The following MAP3K14 variants were observed in gnomAD, a reference collection of about 807,000 sequenced individuals.
MAP3K14 encodes the protein mitogen-activated protein kinase kinase kinase 14.
MAP3K14 carries 16 observed loss-of-function variants against 99.2 expected under a neutral mutation model. The observed-to-expected ratio is 0.16, with a 90% CI of 0.11 to 0.24. MAP3K14 has a LOEUF of 0.24. Among genes scored for constraint, MAP3K14 ranks in the 10% least tolerant of loss-of-function variants. MAP3K14 has a pLI of 1.00. For missense variants in MAP3K14, 784 were observed against 1,208.7 expected, an observed-to-expected ratio of 0.65 and a Z score of 5.21; for synonymous variants, 462 against 492.4, an observed-to-expected ratio of 0.94 and a Z score of 0.82.
Position 45,274,860 on chromosome 17 carries a change from G to A in MAP3K14, c.1291-267C>T, listed in dbSNP as rs1050061369. ...GCCACATAAAAACTACATCCGCACC[G>A]GGCGCAGTGGCTCATGCCTATAATC... On this transcript the variant is annotated intron_variant, in intron 6 of 15. Coordinates refer to ENST00000344686, the MANE Select transcript of MAP3K14 (RefSeq NM_003954.5). Among the ~76,000 whole-genome samples, 4 of 152,334 alleles carry A rather than the reference G, an allele frequency of 2.6e-5. 1 individual carries two copies. In the Middle Eastern group the frequency reaches 0.01, roughly 389 times the overall value.
At chr17:45,311,468 G>C (rs1212764646) in intron 1 of MAP3K14, among the ~76,000 whole-genome samples, 1 of 152,194 alleles carries the variant, frequency 6.6e-6, no homozygotes, top group East Asian at 1.9e-4. Context: ...CACTAGTCCA[G>C]AACAGTGTCT....
intron 1 of MAP3K14, among the ~76,000 whole-genome samples, chr17:45,300,990 G>C (rs1296192874): frequency 2.6e-5 from 4 of 151,218 alleles, no homozygotes; most frequent in African/African-American, 9.7e-5. Flanking sequence ...AATATAGTGA[G>C]ACCCCATCTT....
At position 45,286,700 on chromosome 17, in the gene MAP3K14, G is replaced by T. The variant is rs752922819; in HGVS notation, c.883C>A (p.Pro295Thr). Residue 295 changes from proline (P) to threonine (T), a missense_variant, in exon 5 of 16, where the codon CCC (proline) becomes ACC (threonine). Pro to Thr is a conservative substitution (Grantham distance 38). Around this residue, in one of 5 missense-constraint regions of MAP3K14, gnomAD observed 138 missense variants for 164.1 expected, o/e 0.84. Coordinates refer to ENST00000344686, the MANE Select transcript of MAP3K14 (RefSeq NM_003954.5). This position sits in a 1 kb window ranked among gnomAD's most constrained non-coding sequence, Gnocchi z 4.1. ...TTGCTCAGGTGTGGGTCAGGCAAGG[G>T]TTTCTGGCTGTCTACACAGGCCAGT... is the stretch of plus-strand genomic sequence containing the variant. ...GKLACVDSQK[P>T]LPDPHLSKLA... 3 of 1,609,836 alleles carry T rather than the reference G, an allele frequency of 1.9e-6. No homozygotes were observed. The African/African-American group carries it at 4.0e-5, about 22-fold the overall frequency.
intron 6 of MAP3K14, among the ~76,000 whole-genome samples, chr17:45,275,432 C>G (rs185241107): frequency 6.8e-6 from 1 of 147,926 alleles, no homozygotes; most frequent in Admixed American, 6.9e-5. Context: ...CGCAATAAGC[C>G]GAGGTCGCAC....
chr17:45,273,391 A>C, intron 9 of MAP3K14, 112 bp downstream of exon 9: 1 of 783,038 alleles, frequency 1.3e-6, no homozygotes, highest in South Asian at 1.7e-5. Flanking sequence ...TGCGGGGCTT[A>C]AACACACAGG....
intron 6 of MAP3K14, among the ~76,000 whole-genome samples, chr17:45,283,116 T>G (rs1456334777): frequency 6.6e-6 from 1 of 152,224 alleles, no homozygotes; most frequent in Non-Finnish European, 1.5e-5. Context: ...TTGTTTACCT[T>G]GTTGCCTGGG....
Position 45,286,455 on chromosome 17 carries a change from G to C in MAP3K14, c.1128C>G (p.Asp376Glu). 1 of 1,599,890 alleles carries C rather than the reference G, an allele frequency of 6.3e-7. No individual in the cohort carries two copies. The highest frequency in any genetic ancestry group is 8.5e-7 in the Non-Finnish European group (1 of 1,171,282). Residue 376 changes from aspartate to glutamate, a missense_variant, in exon 5 of 16, where the codon GAC (aspartate) becomes GAG (glutamate). By Grantham distance (45) the Asp-to-Glu change is conservative. Transcript: ENST00000344686. This position sits in a 1 kb window ranked among gnomAD's most constrained non-coding sequence, Gnocchi z 4.1. ...CCTCAGTGAGCAGGACACCCTCGTTGTCCTCAGTTTTGGGGCTGGGCTCCC... is the reference window on the plus strand; with the variant it reads ...CCTCAGTGAGCAGGACACCCTCGTTCTCCTCAGTTTTGGGGCTGGGCTCCC... ...RSREPSPKTE[D>E]NEGVLLTEKL...
At position 45,287,357 on chromosome 17, in the gene MAP3K14, C is replaced by T. The variant is rs1171650731; in HGVS notation, c.334G>A (p.Glu112Lys). 1.2e-6 allele frequency: 2 copies of T among 1,613,794 alleles called. No homozygotes were observed. The highest frequency in any genetic ancestry group is 1.7e-6 in the Non-Finnish European group (2 of 1,179,848). ...TTGTTGGGGATCTGATCAAGACTCT[C>T]GGACTGGCTGTCACAAAAGGGACAG... ...IAGSKQYSQS[E>K]SLDQIPNNVA... The change falls in exon 4 of 16, where the codon GAG becomes AAG. Residue 112 changes from glutamate (E) to lysine (K), a missense_variant. Coordinates refer to ENST00000344686, the MANE Select transcript of MAP3K14 (RefSeq NM_003954.5).
At chr17:45,265,121 C>T in intron 15 of MAP3K14, 42 bp downstream of exon 15, 1 of 1,505,424 alleles carries the variant, frequency 6.6e-7, no homozygotes, top group African/African-American at 1.4e-5. Context: ...GCTGCATTGG[C>T]TTCTGGGACT....
rs543717976 is a variant in MAP3K14, at chr17:45,290,075, G to A, written c.256+415C>T. Among the ~76,000 whole-genome samples the A allele has an allele frequency of 1.2e-3, 179 of 152,338 alleles. 1 individual carries two copies. Among genetic ancestry groups the A allele is most frequent in the African/African-American group, 4.1e-3 (169 of 41,578 alleles). The stretch of plus-strand genomic sequence containing the variant: ...CAAGAGCACGGTGCTCATTCCTGGG[G>A]GTGGGGCCACCTCTAGGTGGAAGAT... On this transcript the variant is annotated intron_variant, in intron 2 of 15. Coordinates refer to ENST00000344686, the MANE Select transcript of MAP3K14 (RefSeq NM_003954.5).
Position 45,267,928 on chromosome 17 carries a change from C to A in MAP3K14, c.1973-169G>T. On this transcript the variant is annotated intron_variant, in intron 11 of 15. Transcript: ENST00000344686. The surrounding 1 kb of genome is among the most constrained non-coding windows in gnomAD (Gnocchi z 5.1). ...CCAGAGGGCAGCATGGTGGTCTCCACAGGAGACTTCCTCAATAAAATGGTC... is the reference window on the plus strand; with the variant it reads ...CCAGAGGGCAGCATGGTGGTCTCCAAAGGAGACTTCCTCAATAAAATGGTC... 1.7e-6 allele frequency: 1 copy of A among 583,322 alleles called. No homozygotes were observed. The allele number at this position is 583,322 out of a possible 1,614,324, so 36.1% of individuals were successfully genotyped here.
At chr17:45,315,205 G>A (rs1362964149) in intron 1 of MAP3K14, among the ~76,000 whole-genome samples, 1 of 151,968 alleles carries the variant, frequency 6.6e-6, no homozygotes, top group Admixed American at 6.6e-5. Flanking sequence ...AGACATTTTT[G>A]TTTAATAGAG....
rs1383773829 is a variant in MAP3K14 at position 45,274,539 on chromosome 17, A to G, written c.1345T>C (p.Ser449Pro). The part of the protein sequence containing the change: ...EELMACAGLT[S>P]PRIVPLYGAV... ...CCATACAAAGGGACAATTCTGGGTGAGGTCAATCCTGCACATGCCATCAGC... is the reference window on the plus strand; with the variant it reads ...CCATACAAAGGGACAATTCTGGGTGGGGTCAATCCTGCACATGCCATCAGC... Residue 449 changes from serine to proline, a missense_variant, in exon 7 of 16, where the codon TCA becomes CCA. Physicochemically the swap from Ser to Pro is moderately conservative, Grantham distance 74. Coordinates refer to ENST00000344686, the MANE Select transcript of MAP3K14 (RefSeq NM_003954.5). The G allele has an allele frequency of 6.2e-7, 1 of 1,613,996 alleles. No homozygotes were observed. The highest frequency in any genetic ancestry group is 8.5e-7 in the Non-Finnish European group (1 of 1,179,896).
intron 1 of MAP3K14, among the ~76,000 whole-genome samples, chr17:45,303,996 ATTTCTTTTCT>A (rs1227159359): frequency 7.3e-6 from 1 of 137,174 alleles, no homozygotes; most frequent in Non-Finnish European, 1.6e-5. Context: ...ATTTAGATTT[ATTTCTTTTCT>A]TTTCTTTTTT....
intron 6 of MAP3K14, among the ~76,000 whole-genome samples, chr17:45,281,093 A>G (rs1384416599): frequency 6.6e-6 from 1 of 151,552 alleles, no homozygotes; most frequent in Non-Finnish European, 1.5e-5. Context: ...CTAGAGTAGG[A>G]TCCCATTTCT....
chr17:45,303,851 G>A (rs373373721), intron 1 of MAP3K14, among the ~76,000 whole-genome samples: 32 of 151,212 alleles, frequency 2.1e-4, no homozygotes, highest in African/African-American at 7.3e-4. Flanking sequence ...CAAAGTGCTG[G>A]GATTACAGGC....
Position 45,264,117 on chromosome 17 carries a change from G to GTC in MAP3K14, c.*518_*519insGA. ...CAAAAGGGGTGAGCTGGCCAGGTGA[G>GTC]GCCAGGCAAGGGGTTTAGAGGGCCC... On this transcript the variant is annotated 3_prime_UTR_variant, in exon 16 of 16. Coordinates refer to ENST00000344686, the MANE Select transcript of MAP3K14 (RefSeq NM_003954.5). 6.5e-6 allele frequency: 1 copy of GTC among 152,854 alleles called. No homozygotes were observed. The highest frequency in any genetic ancestry group is 1.5e-5 in the Non-Finnish European group (1 of 68,416). The allele number at this position is 152,854 out of a possible 1,614,324, so 9.5% of individuals were successfully genotyped here.
rs191157690 is a variant in MAP3K14, at chr17:45,273,530, C to T, written c.1630G>A (p.Asp544Asn). 7.0e-5 allele frequency: 113 copies of T among 1,612,448 alleles called. No individual in the cohort carries two copies. The highest frequency in any genetic ancestry group is 3.4e-4 in the South Asian group (31 of 90,882). ...GTGAGCAAGGACTTTCCCAGGCCATCAGGTTGAAGACACACAGCATGGCCA... is the reference window on the plus strand; with the variant it reads ...GTGAGCAAGGACTTTCCCAGGCCATTAGGTTGAAGACACACAGCATGGCCA... ...DFGHAVCLQP[D>N]GLGKSLLTGD... Residue 544 changes from aspartate to asparagine, a missense_variant, in exon 9 of 16, where the codon GAT (aspartate) becomes AAT (asparagine). By Grantham distance (23) the Asp-to-Asn change is conservative. Coordinates refer to ENST00000344686, the MANE Select transcript of MAP3K14 (RefSeq NM_003954.5).
rs2044096657 is a variant in MAP3K14 at position 45,267,342 on chromosome 17, C to T, written c.2326+64G>A. 2.0e-6 allele frequency: 3 copies of T among 1,497,724 alleles called. No homozygotes were observed. The highest frequency in any genetic ancestry group is 1.4e-5 in the African/African-American group (1 of 71,476). 92.8% of individuals were successfully genotyped at this position (1,497,724 alleles called of 1,614,324 possible). On this transcript the variant is annotated intron_variant, in intron 12 of 15. Coordinates refer to ENST00000344686, the MANE Select transcript of MAP3K14 (RefSeq NM_003954.5). This position sits in a 1 kb window ranked among gnomAD's most constrained non-coding sequence, Gnocchi z 5.1. ...CCCACACCGCAGGTAAAGAGAAACA[C>T]CGGCCTCCGCGGGTGGCCCAGGGCC...
Sources: allele counts gnomAD v4.1 joint callset (sites outside exome capture counted in the v4.1 genomes callset), GRCh38; gene constraint gnomAD v4.1.1; regional missense constraint gnomAD v4.1.1; non-coding constraint Gnocchi (gnomAD v3.1); transcripts MANE v1.5; gene names NCBI Gene and HGNC (gene_info 2026-07-23, HGNC 2026-07-21).